HERC3: variants seen among roughly 807,000 people sequenced by gnomAD.
HERC3 encodes probable E3 ubiquitin-protein ligase HERC3.
HERC3 carries 58 observed loss-of-function variants against 129.9 expected under a neutral mutation model. The ratio of observed to expected loss-of-function variants is 0.45; its 90% CI spans 0.36 to 0.56. HERC3 has a LOEUF of 0.56. HERC3 is among the 20% of genes least tolerant of loss of function. The pLI is 0.00. For missense variants in HERC3, 835 were observed against 1,244.2 expected (o/e 0.67, Z 4.95); for synonymous variants, 430 against 451.0 (o/e 0.95, Z 0.59).
intron 21 of HERC3, among the ~76,000 whole-genome samples, chr4:88,684,694 G>T (rs927896916): frequency 1.3e-4 from 20 of 152,088 alleles, no homozygotes; most frequent in African/African-American, 4.6e-4. Context: ...AAAACCTATA[G>T]AATGGGGAAA....
At chr4:88,534,660 TA>T in the HERC3 span, among the ~76,000 whole-genome samples, 2 of 152,212 alleles carry the variant, frequency 1.3e-5, no homozygotes, top group Non-Finnish European at 2.9e-5. Flanking sequence ...AACATGATTT[TA>T]AAAGCCTCAT....
chr4:88,538,102 G>A, the HERC3 span, among the ~76,000 whole-genome samples: 1 of 152,308 alleles, frequency 6.6e-6, no homozygotes, highest in East Asian at 1.9e-4. Flanking sequence ...TATTGAAATG[G>A]TACAGGTGAA....
In HERC3 at chr4:88,662,518, C is replaced by T; in HGVS notation, c.1234C>T (p.Gln412Ter). The T allele has an allele frequency of 1.9e-6, 3 of 1,613,490 alleles. No homozygotes were observed. The highest frequency in any genetic ancestry group is 2.5e-6 in the Non-Finnish European group (3 of 1,179,696). Residue 412 changes from glutamine to a stop codon, truncating the protein, a stop_gained, in exon 11 of 26, where the codon CAA (glutamine) becomes TAA (stop). Transcript: ENST00000402738. LOFTEE classifies it high-confidence loss of function. ...INDETIAVWR[Q>*]KLSEHNNANT... ...TGATGAAACCATAGCAGTTTGGAGACAAAAACTCTCAGAACACAACAATGC... is the reference window on the plus strand; with the variant it reads ...TGATGAAACCATAGCAGTTTGGAGATAAAAACTCTCAGAACACAACAATGC...
At chr4:88,602,998 ACAGTTATTGTAAGGG>A (rs1011356280) in intron 2 of HERC3, among the ~76,000 whole-genome samples, 1 of 152,178 alleles carries the variant, frequency 6.6e-6, no homozygotes, top group African/African-American at 2.4e-5. Context: ...TTGGCAAAAT[ACAGTTATTGTAAGGG>A]TGTTGTGTCT....
At chr4:88,609,105 A>G (rs1245610098) in intron 3 of HERC3, among the ~76,000 whole-genome samples, 2 of 139,124 alleles carry the variant, frequency 1.4e-5, no homozygotes, top group Non-Finnish European at 1.5e-5. Flanking sequence ...TGGGCAACAT[A>G]CAGATGCAAA....
the HERC3 span, among the ~76,000 whole-genome samples, chr4:88,562,377 G>A: frequency 6.6e-6 from 1 of 152,110 alleles, no homozygotes; most frequent in Middle Eastern, 3.4e-3. Context: ...AGTTGTTTGA[G>A]CTCCTCATGT....
the HERC3 span, among the ~76,000 whole-genome samples, chr4:88,577,148 T>A: frequency 5.3e-4 from 80 of 152,244 alleles, no homozygotes; most frequent in East Asian, 0.015. Context: ...TAGCAAGATC[T>A]AAGTTGTGGA....
the HERC3 span, among the ~76,000 whole-genome samples, chr4:88,552,553 C>T: frequency 6.6e-6 from 1 of 152,206 alleles, no homozygotes. Flanking sequence ...ACAACTGGCT[C>T]ACATTTTCTT....
chr4:88,558,020 G>A, the HERC3 span, among the ~76,000 whole-genome samples: 16 of 137,938 alleles, frequency 1.2e-4, no homozygotes, highest in South Asian at 1.9e-3. Flanking sequence ...GCGGTGAGTC[G>A]AGATCACACC....
At chr4:88,557,496 A>G in the HERC3 span, among the ~76,000 whole-genome samples, 1 of 152,182 alleles carries the variant, frequency 6.6e-6, no homozygotes, top group Admixed American at 6.5e-5. Flanking sequence ...TGTTCTTTAT[A>G]TTGCTAGCAC....
chr4:88,662,353 AAT>A, intron 10 of HERC3, 76 bp from the exon 11 acceptor site: 1 of 1,383,924 alleles, frequency 7.2e-7, no homozygotes, highest in Non-Finnish European at 1.0e-6. Context: ...TAAAATGGAG[AAT>A]ATGTGGGAGA....
chr4:88,604,784 G>GA (rs1723432827), intron 2 of HERC3, among the ~76,000 whole-genome samples: 1 of 152,168 alleles, frequency 6.6e-6, no homozygotes. Flanking sequence ...AACTAGTAGT[G>GA]AAATTGCTGG....
rs79374640 is a variant in HERC3, at chr4:88,654,861, G to C, written c.778-313G>C. Among the ~76,000 whole-genome samples, 337 of 152,172 alleles carry C rather than the reference G, an allele frequency of 2.2e-3. 8 individuals are homozygous for C. In the East Asian group the frequency reaches 0.033, roughly 15 times the overall value. ...TGATCATGTAAAATCATCTCATTTA[G>C]CCTAGCTCCTAGTTTCTCCTTTTTT... On this transcript the variant is annotated intron_variant, in intron 7 of 25. Coordinates refer to ENST00000402738, the MANE Select transcript of HERC3 (RefSeq NM_014606.3).
chr4:88,526,047 G>A, the HERC3 span, among the ~76,000 whole-genome samples: 2 of 152,202 alleles, frequency 1.3e-5, no homozygotes, highest in Non-Finnish European at 2.9e-5. Context: ...ATAATAGTAT[G>A]TAACTTACAG....
chr4:88,598,247 G>A (rs1722606767), intron 2 of HERC3, among the ~76,000 whole-genome samples: 1 of 152,130 alleles, frequency 6.6e-6, no homozygotes, highest in African/African-American at 2.4e-5. Context: ...CTTATCATAA[G>A]ACAAAGTTTA....
At chr4:88,576,270 C>A in the HERC3 span, among the ~76,000 whole-genome samples, 1 of 152,202 alleles carries the variant, frequency 6.6e-6, no homozygotes, top group African/African-American at 2.4e-5. Context: ...CCCCTTCCAC[C>A]CTTGCCGTCT....
intron 2 of HERC3, among the ~76,000 whole-genome samples, chr4:88,596,208 A>G (rs1206512567): frequency 6.6e-6 from 1 of 152,216 alleles, no homozygotes; most frequent in Non-Finnish European, 1.5e-5. Flanking sequence ...AGCTGCCATT[A>G]AAATGAATTT....
chr4:88,558,193 A>C, the HERC3 span, among the ~76,000 whole-genome samples: 1 of 152,164 alleles, frequency 6.6e-6, no homozygotes, highest in Admixed American at 6.5e-5. Context: ...AAAAAGACAC[A>C]TGCACATGCA....
chr4:88,697,283 C>T (rs557515267), intron 23 of HERC3: 3 of 1,602,832 alleles, frequency 1.9e-6, no homozygotes, highest in Admixed American at 1.7e-5. Flanking sequence ...GCCGCAGCCT[C>T]CTCCTCCTCC....
Sources: allele counts gnomAD v4.1 joint callset (sites outside exome capture counted in the v4.1 genomes callset), GRCh38; gene constraint gnomAD v4.1.1; transcripts MANE v1.5; gene names NCBI Gene and HGNC (gene_info 2026-07-23, HGNC 2026-07-21).